Variants in RASEF observed in about 807,000 individuals in gnomAD.
RASEF encodes ras and EF-hand domain-containing protein.
In RASEF, 68 loss-of-function variants were observed where a neutral mutation model predicts 90.1. The ratio of observed to expected loss-of-function variants is 0.75; its 90% CI spans 0.62 to 0.92. RASEF has a LOEUF of 0.92. Ranked by LOEUF, RASEF falls within the 40% of genes least tolerant of loss-of-function variation. RASEF has a pLI of 0.00. For synonymous variants in RASEF, 331 were observed against 345.2 expected (o/e 0.96, Z 0.46); for missense variants, 949 against 937.2 (o/e 1.01, Z -0.16).
At chr9:83,133,332 A>C in the RASEF span, among the ~76,000 whole-genome samples, 1 of 152,220 alleles carries the variant, frequency 6.6e-6, no homozygotes, top group Non-Finnish European at 1.5e-5. Context: ...GTTTAAAAAC[A>C]AGAGACAACA....
chr9:83,125,280 T>A, the RASEF span, among the ~76,000 whole-genome samples: 1 of 152,088 alleles, frequency 6.6e-6, no homozygotes, highest in Non-Finnish European at 1.5e-5. Context: ...GGCAGGACTG[T>A]CTAGAAGCTG....
chr9:83,029,662 C>T (rs1169741632), intron 1 of RASEF, among the ~76,000 whole-genome samples: 2 of 151,236 alleles, frequency 1.3e-5, no homozygotes, highest in East Asian at 2.0e-4. Flanking sequence ...CCACCCACCT[C>T]GCCCTCCCAA....
the RASEF span, among the ~76,000 whole-genome samples, chr9:83,091,228 T>A: frequency 6.6e-6 from 1 of 152,204 alleles, no homozygotes; most frequent in African/African-American, 2.4e-5. Context: ...ACCTTCCATA[T>A]TTTTAGGGAT....
the RASEF span, among the ~76,000 whole-genome samples, chr9:83,191,467 G>A: frequency 6.6e-6 from 1 of 152,160 alleles, no homozygotes; most frequent in Admixed American, 6.5e-5. Flanking sequence ...ACCAGGCAAT[G>A]AAAAGGAGAA....
At chr9:83,121,847 C>G in the RASEF span, among the ~76,000 whole-genome samples, 2 of 152,092 alleles carry the variant, frequency 1.3e-5, no homozygotes, top group Non-Finnish European at 2.9e-5. Context: ...CTCTGAAATC[C>G]CATTATCTAG....
At chr9:83,095,145 G>A in the RASEF span, among the ~76,000 whole-genome samples, 5 of 152,268 alleles carry the variant, frequency 3.3e-5, no homozygotes, top group African/African-American at 1.2e-4. Flanking sequence ...ACAAGTGCCA[G>A]ACCAGTTGTA....
the RASEF span, among the ~76,000 whole-genome samples, chr9:83,182,384 GAAGT>G: frequency 6.6e-6 from 1 of 152,144 alleles, no homozygotes; most frequent in Non-Finnish European, 1.5e-5. Context: ...CACCACATCA[GAAGT>G]GTTTTGTTTA....
the RASEF span, among the ~76,000 whole-genome samples, chr9:83,149,038 C>A: frequency 6.6e-6 from 1 of 152,216 alleles, no homozygotes. Context: ...AGCAACCACC[C>A]CATCATCTTC....
chr9:83,113,490 T>C, the RASEF span, among the ~76,000 whole-genome samples: 1 of 152,222 alleles, frequency 6.6e-6, no homozygotes, highest in Non-Finnish European at 1.5e-5. Flanking sequence ...TCTGACTGTC[T>C]GCGGGGTCTG....
chr9:83,025,794 A>G lies in RASEF; in HGVS notation c.559T>C (p.Leu187=), dbSNP rs749382238. 1.2e-6 allele frequency: 2 copies of G among 1,613,686 alleles called. No homozygotes were observed. Among genetic ancestry groups the G allele is most frequent in the East Asian group, 2.2e-5 (1 of 44,882 alleles). ...CAATACCTCTTCACCGCAATGGCCA[A>G]ATTTTCCATTTCTGTGCTTTGAAGT... is the stretch of plus-strand genomic sequence containing the variant. The part of the protein sequence containing the change: ...IRLQSTEMEN[L]AIAVKRAQDK... The change falls in exon 2 of 17, where the codon TTG becomes CTG. Residue 187 remains leucine (L), a synonymous_variant. Transcript: ENST00000376447.
chr9:83,122,046 G>A, the RASEF span, among the ~76,000 whole-genome samples: 1 of 152,192 alleles, frequency 6.6e-6, no homozygotes, highest in Non-Finnish European at 1.5e-5. Context: ...TACATAATAA[G>A]AAGTGTTATT....
intron 6 of RASEF, among the ~76,000 whole-genome samples, chr9:83,008,914 A>G (rs1829184415): frequency 8.0e-6 from 1 of 125,430 alleles, no homozygotes; most frequent in African/African-American, 2.9e-5. Flanking sequence ...ATATATATAT[A>G]TATATATATA....
At chr9:83,048,066 A>G in intron 1 of RASEF, 3 of 965,204 alleles carry the variant, frequency 3.1e-6, no homozygotes, top group Non-Finnish European at 3.7e-6. Flanking sequence ...CAGCATATAA[A>G]GCAGAGGCTC....
At chr9:83,144,374 A>AGGAAGGAAG in the RASEF span, among the ~76,000 whole-genome samples, 13 of 58,208 alleles carry the variant, frequency 2.2e-4, no homozygotes, top group African/African-American at 1.0e-3. Flanking sequence ...AAAGAAAGAA[A>AGGAAGGAAG]GAAAGAAAGA....
chr9:83,199,237 A>T, the RASEF span, among the ~76,000 whole-genome samples: 1 of 139,394 alleles, frequency 7.2e-6, no homozygotes, highest in African/African-American at 3.1e-5. Context: ...AAAAAAAAAA[A>T]AAAAAAAAAA....
At chr9:83,022,499 A>G in intron 2 of RASEF, 73 bp from the exon 3 acceptor site, 1 of 1,074,632 alleles carries the variant, frequency 9.3e-7, no homozygotes, top group East Asian at 2.4e-5. Flanking sequence ...CTTCAGATTC[A>G]TCTACGTTAA....
chr9:83,045,568 G>A lies in RASEF; in HGVS notation c.431+16869C>T, dbSNP rs547224352. Among the ~76,000 whole-genome samples the A allele has an allele frequency of 3.3e-5, 5 of 152,266 alleles. No homozygotes were observed. The East Asian group carries it at 7.7e-4, about 24-fold the overall frequency. On this transcript the variant is annotated intron_variant, in intron 1 of 16. Coordinates refer to ENST00000376447, the MANE Select transcript of RASEF (RefSeq NM_152573.4). The stretch of plus-strand genomic sequence containing the variant: ...ATTTGCTATAATCTCTTAGGAGAGA[G>A]GTGATGCATTATCCTTTTAGACCAA...
At chr9:83,131,221 T>G in the RASEF span, among the ~76,000 whole-genome samples, 9 of 152,220 alleles carry the variant, frequency 5.9e-5, no homozygotes, top group African/African-American at 2.2e-4. Context: ...CAATAAGCAA[T>G]TATAGAAAAG....
chr9:83,091,421 G>A, the RASEF span, among the ~76,000 whole-genome samples: 1 of 152,124 alleles, frequency 6.6e-6, no homozygotes, highest in Non-Finnish European at 1.5e-5. Flanking sequence ...CAGGCATGGT[G>A]GTGCGCACAT....
Sources: gnomAD v4.1 joint callset for allele counts (sites outside exome capture counted in the v4.1 genomes callset) on GRCh38, gnomAD v4.1.1 for gene constraint, MANE v1.5 for transcripts, NCBI Gene and HGNC (gene_info 2026-07-23, HGNC 2026-07-21) for gene names.